The following PCDHGB6 variants were observed in gnomAD, a reference collection of about 807,000 sequenced individuals.
The protein encoded by PCDHGB6 is protocadherin gamma-B6.
In PCDHGB6, 51 loss-of-function variants were observed where a neutral mutation model predicts 59.1. The observed-to-expected ratio is 0.86, with a 90% CI of 0.69 to 1.09. The LOEUF (loss-of-function observed/expected upper bound fraction) is 1.09, where lower values mean the gene tolerates loss of function less well. PCDHGB6 is among the 50% of genes least tolerant of loss of function. PCDHGB6 has a pLI of 0.00. For synonymous variants in PCDHGB6, 466 were observed against 495.1 expected (o/e 0.94, Z 0.78); for missense variants, 1,148 against 1,205.1 (o/e 0.95, Z 0.70).
intron 3 of PCDHGB6, among the ~76,000 whole-genome samples, chr5:141,509,807 C>T (rs369661041): frequency 2.0e-5 from 3 of 152,104 alleles, no homozygotes; most frequent in Non-Finnish European, 4.4e-5. Context: ...TTCATAGAGC[C>T]GAGCTCTTCT....
At chr5:141,414,274 G>A (rs762803658) in intron 1 of PCDHGB6, 23 of 1,613,368 alleles carry the variant, frequency 1.4e-5, no homozygotes, top group Non-Finnish European at 1.9e-5. Flanking sequence ...TTCACCTCTG[G>A]GAACAGTCGT....
At chr5:141,504,986 AC>A (rs1225847397) in intron 2 of PCDHGB6, among the ~76,000 whole-genome samples, 4 of 151,936 alleles carry the variant, frequency 2.6e-5, no homozygotes, top group Non-Finnish European at 5.9e-5. Context: ...ACATGGTGAA[AC>A]CCCGTCTGTA....
intron 1 of PCDHGB6, chr5:141,414,590 G>A: frequency 6.2e-7 from 1 of 1,613,936 alleles, no homozygotes; most frequent in Non-Finnish European, 8.5e-7. Flanking sequence ...AACGCCAGGG[G>A]TGCCTCCATC....
intron 1 of PCDHGB6, among the ~76,000 whole-genome samples, chr5:141,488,007 G>A (rs1269050547): frequency 6.6e-6 from 1 of 152,178 alleles, no homozygotes; most frequent in African/African-American, 2.4e-5. Flanking sequence ...ATCAGATTCT[G>A]AAGTACCTTA....
In PCDHGB6 at chr5:141,477,533, G is replaced by C. The variant is rs780541121; in HGVS notation, c.2419-17274G>C. On this transcript the variant is annotated intron_variant, in intron 1 of 3. Transcript: ENST00000520790. This position sits in a 1 kb window ranked among gnomAD's most constrained non-coding sequence, Gnocchi z 4.9. ...TTACATTGAAGAAAACAACCTCCCC[G>C]GGGCTCCAATACTAAACCTAAGTGT... The C allele has an allele frequency of 6.2e-7, 1 of 1,613,892 alleles. No individual in the cohort carries two copies. The highest frequency in any genetic ancestry group is 1.3e-5 in the African/African-American group (1 of 74,852).
At position 141,464,036 on chromosome 5, in the gene PCDHGB6, G is replaced by A. The variant is rs907276618; in HGVS notation, c.2419-30771G>A. On this transcript the variant is annotated intron_variant, in intron 1 of 3. Coordinates refer to ENST00000520790, the MANE Select transcript of PCDHGB6 (RefSeq NM_018926.3). ...ATCCCACACTTTGGGAGGCCAAGGC[G>A]GGTGGATCACCTGAGGTCAGGAGTT... Among the ~76,000 whole-genome samples the A allele has an allele frequency of 2.6e-5, 4 of 152,096 alleles. No individual in the cohort carries two copies. The East Asian group carries it at 5.8e-4, about 22-fold the overall frequency.
At chr5:141,423,558 G>A (rs770532900) in intron 1 of PCDHGB6, 1 of 1,613,462 alleles carries the variant, frequency 6.2e-7, no homozygotes, top group African/African-American at 1.3e-5. Flanking sequence ...CCAACTATGG[G>A]GACACGCTCA....
At chr5:141,508,162 G>A (rs377676571) in intron 3 of PCDHGB6, 4 of 152,502 alleles carry the variant, frequency 2.6e-5, no homozygotes, top group African/African-American at 9.7e-5. Context: ...CCTGAGTAGA[G>A]GCTGGCACAG....
At position 141,499,506 on chromosome 5, in the gene PCDHGB6, CA is replaced by C. The variant is rs759983739; in HGVS notation, c.2477+4644del. Among the ~76,000 whole-genome samples, 6 of 152,086 alleles carry C rather than the reference CA, an allele frequency of 3.9e-5. No homozygotes were observed. The South Asian group carries it at 1.0e-3, about 26-fold the overall frequency. On this transcript the variant is annotated intron_variant, in intron 2 of 3. Coordinates refer to ENST00000520790, the MANE Select transcript of PCDHGB6 (RefSeq NM_018926.3). Reference sequence around the variant, plus strand: ...AACTACAGTTTAATATGAAACATTTCAAATATGTACAAAAGTAGAGAGAATG... The same window carrying C: ...AACTACAGTTTAATATGAAACATTTCAATATGTACAAAAGTAGAGAGAATG...
chr5:141,477,438 C>T lies in PCDHGB6; in HGVS notation c.2419-17369C>T, dbSNP rs1386997844. On this transcript the variant is annotated intron_variant, in intron 1 of 3. Transcript: ENST00000520790. This position sits in a 1 kb window ranked among gnomAD's most constrained non-coding sequence, Gnocchi z 4.9. ...GGAACCCCTTCCCTCTCAGCCCTTA[C>T]AATAGTGCGTGTTCAAGTGTCCGAC... 6.2e-7 allele frequency: 1 copy of T among 1,614,174 alleles called. No homozygotes were observed. The highest frequency in any genetic ancestry group is 8.5e-7 in the Non-Finnish European group (1 of 1,180,030).
chr5:141,431,660 A>G lies in PCDHGB6; in HGVS notation c.2418+21040A>G. On this transcript the variant is annotated intron_variant, in intron 1 of 3. Transcript: ENST00000520790. This position sits in a 1 kb window ranked among gnomAD's most constrained non-coding sequence, Gnocchi z 4.8. ...CAAACTAGATTGTAATTCAGGGACA[A>G]TATCAACAATAGGGGAGTTGGACCA... 7 of 1,614,256 alleles carry G rather than the reference A, an allele frequency of 4.3e-6. No individual in the cohort carries two copies. The highest frequency in any genetic ancestry group is 5.1e-6 in the Non-Finnish European group (6 of 1,180,046).
rs200601557 is a variant in PCDHGB6, at chr5:141,432,538, G to A, written c.2418+21918G>A. 5.0e-6 allele frequency: 8 copies of A among 1,613,908 alleles called. No homozygotes were observed. The highest frequency in any genetic ancestry group is 1.7e-5 in the Admixed American group (1 of 60,012). On this transcript the variant is annotated intron_variant, in intron 1 of 3. Coordinates refer to ENST00000520790, the MANE Select transcript of PCDHGB6 (RefSeq NM_018926.3). The surrounding 1 kb of genome is among the most constrained non-coding windows in gnomAD (Gnocchi z 6.0). ...GCTACCTGGTGACCAAGGTGGTGGCGGTGGACAGAGACTCCGGCCAGAACG... is the reference window on the plus strand; with the variant it reads ...GCTACCTGGTGACCAAGGTGGTGGCAGTGGACAGAGACTCCGGCCAGAACG...
chr5:141,451,806 A>G (rs145650418), intron 1 of PCDHGB6, among the ~76,000 whole-genome samples: 6,855 of 150,824 alleles, frequency 0.045, 259 homozygotes, highest in African/African-American at 0.1. Context: ...GCTTGAACCC[A>G]GGAGGCGGAG....
intron 1 of PCDHGB6, among the ~76,000 whole-genome samples, chr5:141,452,522 A>G (rs924248463): frequency 6.6e-6 from 1 of 152,310 alleles, no homozygotes; most frequent in African/African-American, 2.4e-5. Context: ...CTCCCTCAAA[A>G]TCGTGAGTTC....
chr5:141,444,545 C>G (rs1346405150), intron 1 of PCDHGB6, among the ~76,000 whole-genome samples: 1 of 152,042 alleles, frequency 6.6e-6, no homozygotes, highest in Non-Finnish European at 1.5e-5. Context: ...GTCTAGTGAG[C>G]AAAAGGCACT....
intron 2 of PCDHGB6, among the ~76,000 whole-genome samples, chr5:141,504,143 C>A (rs2099835975): frequency 6.6e-6 from 1 of 152,136 alleles, no homozygotes; most frequent in Non-Finnish European, 1.5e-5. Flanking sequence ...CACTCCCCTG[C>A]AAATTGAAAT....
chr5:141,468,180 C>T (rs1053758210), intron 1 of PCDHGB6, among the ~76,000 whole-genome samples: 4 of 151,744 alleles, frequency 2.6e-5, no homozygotes, highest in Non-Finnish European at 5.9e-5. Context: ...GAAAAATTTG[C>T]TGGGCATGGT....
At chr5:141,471,046 C>CT (rs1170588345) in intron 1 of PCDHGB6, among the ~76,000 whole-genome samples, 3,156 of 113,234 alleles carry the variant, frequency 0.028, 57 homozygotes, top group African/African-American at 0.046. Context: ...CCCAAGCCCT[C>CT]TTTTTTTTTT....
At chr5:141,456,695 T>C (rs1264543968) in intron 1 of PCDHGB6, among the ~76,000 whole-genome samples, 2 of 152,136 alleles carry the variant, frequency 1.3e-5, no homozygotes, top group Non-Finnish European at 2.9e-5. Flanking sequence ...CCAGGCGTGG[T>C]GGCTCGCGCC....
Sources: allele counts gnomAD v4.1 joint callset (sites outside exome capture counted in the v4.1 genomes callset), GRCh38; gene constraint gnomAD v4.1.1; non-coding constraint Gnocchi (gnomAD v3.1); transcripts MANE v1.5; gene names NCBI Gene and HGNC (gene_info 2026-07-23, HGNC 2026-07-21).